The following CNTNAP2 variants were observed in gnomAD, a reference collection of about 807,000 sequenced individuals.
The protein encoded by CNTNAP2 is contactin-associated protein-like 2.
A neutral mutation model predicts 155.2 loss-of-function variants in CNTNAP2; 98 were observed. The ratio of observed to expected loss-of-function variants is 0.63; its 90% confidence interval spans 0.54 to 0.75. The LOEUF (loss-of-function observed/expected upper bound fraction) is 0.75. CNTNAP2 is among the 30% of genes least tolerant of loss of function. The pLI is 0.00. For synonymous variants in CNTNAP2, 651 were observed against 631.2 expected, an observed-to-expected ratio of 1.03 and a Z score of -0.47; for missense variants, 1,727 against 1,688.1, an observed-to-expected ratio of 1.02 and a Z score of -0.40.
chr7:147,007,435 CTTTTCTTCATACAA>C (rs1200748107), intron 3 of CNTNAP2, among the ~76,000 whole-genome samples: 6 of 152,038 alleles, frequency 3.9e-5, no homozygotes, highest in Admixed American at 3.9e-4. Context: ...TACTCTAATG[CTTTTCTTCATACAA>C]ATAAATGCAG....
intron 3 of CNTNAP2, among the ~76,000 whole-genome samples, chr7:146,886,293 A>C (rs1795658763): frequency 6.8e-6 from 1 of 147,820 alleles, no homozygotes; most frequent in Non-Finnish European, 1.5e-5. Context: ...AAAAAGAAAG[A>C]AATATCTTTA....
chr7:148,054,113 C>T (rs1294461262), intron 15 of CNTNAP2, among the ~76,000 whole-genome samples: 1 of 151,966 alleles, frequency 6.6e-6, no homozygotes, highest in Non-Finnish European at 1.5e-5. Flanking sequence ...GCTGGGACTA[C>T]AGGTACCCGC....
chr7:146,183,333 C>T (rs1275698131), intron 1 of CNTNAP2, among the ~76,000 whole-genome samples: 1 of 152,008 alleles, frequency 6.6e-6, no homozygotes, highest in Non-Finnish European at 1.5e-5. Context: ...TGCAGTTAAC[C>T]CTTCATTGGT....
chr7:146,854,759 G>T (rs1330395587), intron 3 of CNTNAP2, among the ~76,000 whole-genome samples: 1 of 152,118 alleles, frequency 6.6e-6, no homozygotes, highest in Non-Finnish European at 1.5e-5. Flanking sequence ...GGTTTGAAAA[G>T]AAATGAATGT....
At position 148,203,204 on chromosome 7, in the gene CNTNAP2, G is replaced by GA. The variant is rs1009325968; in HGVS notation, c.3011-14077dup. ...GGGAGGAGAGGTGGGGGAATAAAAT[G>GA]AAAAAAATATGTATATGGCCAAATT... On this transcript the variant is annotated intron_variant, in intron 18 of 23. Transcript: ENST00000361727. 1.1e-4 allele frequency among the ~76,000 whole-genome samples: 16 copies of GA among 151,988 alleles called. No homozygotes were observed. The East Asian group carries it at 1.4e-3, about 13-fold the overall frequency.
intron 3 of CNTNAP2, among the ~76,000 whole-genome samples, chr7:146,953,075 A>G (rs1039662148): frequency 6.6e-6 from 1 of 152,072 alleles, no homozygotes; most frequent in African/African-American, 2.4e-5. Context: ...ATCATAGAAT[A>G]TTCTAGCTCT....
At chr7:146,726,777 A>G (rs548576179) in intron 1 of CNTNAP2, among the ~76,000 whole-genome samples, 8 of 152,304 alleles carry the variant, frequency 5.3e-5, no homozygotes, top group East Asian at 1.9e-4. Context: ...TTACTAATCT[A>G]TAAATGAACA....
chr7:146,955,669 T>C (rs1384739233), intron 3 of CNTNAP2, among the ~76,000 whole-genome samples: 1 of 152,054 alleles, frequency 6.6e-6, no homozygotes, highest in East Asian at 1.9e-4. Flanking sequence ...TTTAAGAGCA[T>C]GTTACAATTA....
At chr7:147,696,195 T>A (rs113385389) in intron 13 of CNTNAP2, among the ~76,000 whole-genome samples, 28 of 152,340 alleles carry the variant, frequency 1.8e-4, no homozygotes, top group African/African-American at 6.0e-4. Context: ...TCGATGTAGT[T>A]CAATTAATAT....
At chr7:146,868,396 A>G (rs553965276) in intron 3 of CNTNAP2, among the ~76,000 whole-genome samples, 1 of 152,266 alleles carries the variant, frequency 6.6e-6, no homozygotes, top group East Asian at 1.9e-4. Context: ...GTGTACCATT[A>G]CCATGCTGTT....
At chr7:147,237,740 C>G (rs866724205) in intron 8 of CNTNAP2, among the ~76,000 whole-genome samples, 1 of 152,138 alleles carries the variant, frequency 6.6e-6, no homozygotes, top group African/African-American at 2.4e-5. Flanking sequence ...TACAAGTACA[C>G]AGTGGTGGAA....
chr7:148,065,047 C>A (rs575516927), intron 15 of CNTNAP2, among the ~76,000 whole-genome samples: 1 of 152,236 alleles, frequency 6.6e-6, no homozygotes, highest in Admixed American at 6.5e-5. Context: ...TCATTGTTGA[C>A]CAAATGGTCA....
intron 15 of CNTNAP2, among the ~76,000 whole-genome samples, chr7:148,095,606 C>A (rs1803948579): frequency 6.6e-6 from 1 of 152,186 alleles, no homozygotes; most frequent in Admixed American, 6.5e-5. Flanking sequence ...CAGCAAGCTG[C>A]CTTTTCAGCA....
intron 15 of CNTNAP2, among the ~76,000 whole-genome samples, chr7:148,078,756 T>C (rs1353905441): frequency 6.6e-6 from 1 of 152,222 alleles, no homozygotes; most frequent in African/African-American, 2.4e-5. Flanking sequence ...GCTGGGATTA[T>C]AGGCATAAGC....
intron 1 of CNTNAP2, among the ~76,000 whole-genome samples, chr7:146,711,699 A>G (rs1022078196): frequency 2.1e-5 from 3 of 146,204 alleles, no homozygotes; most frequent in Non-Finnish European, 3.0e-5. Flanking sequence ...TACATATCTT[A>G]TGTATACATA....
chr7:146,532,010 C>T (rs553443016), intron 1 of CNTNAP2, among the ~76,000 whole-genome samples: 1 of 151,330 alleles, frequency 6.6e-6, no homozygotes, highest in East Asian at 1.9e-4. Flanking sequence ...TGGCAGTTTC[C>T]ATTAAAAAAA....
intron 10 of CNTNAP2, among the ~76,000 whole-genome samples, chr7:147,479,614 A>G (rs1364309960): frequency 6.6e-6 from 1 of 152,220 alleles, no homozygotes; most frequent in Non-Finnish European, 1.5e-5. Context: ...GCAAAATGAG[A>G]TAAAGTGAAC....
intron 1 of CNTNAP2, among the ~76,000 whole-genome samples, chr7:146,758,932 A>G (rs951974322): frequency 2.6e-5 from 4 of 152,108 alleles, no homozygotes; most frequent in African/African-American, 4.8e-5. Context: ...AAAACCTCCT[A>G]CTGAGAAGCA....
chr7:147,963,814 A>C (rs991611358), intron 14 of CNTNAP2, among the ~76,000 whole-genome samples: 6 of 152,142 alleles, frequency 3.9e-5, no homozygotes, highest in Non-Finnish European at 5.9e-5. Flanking sequence ...GCATTGTTAC[A>C]TATTAGTATA....
Sources: allele counts gnomAD v4.1 joint callset (sites outside exome capture counted in the v4.1 genomes callset), GRCh38; gene constraint gnomAD v4.1.1; transcripts MANE v1.5; gene names NCBI Gene and HGNC (gene_info 2026-07-23, HGNC 2026-07-21).